Variants in TSPEAR observed in about 807,000 individuals in gnomAD.
TSPEAR encodes thrombospondin-type laminin G domain and EAR repeat-containing protein.
Under a neutral mutation model 71.6 loss-of-function variants are expected in TSPEAR, and 69 were observed. The observed-to-expected ratio is 0.96, with a 90% CI of 0.79 to 1.18. The LOEUF is 1.18. Among genes scored for constraint, TSPEAR ranks in the 50% most tolerant of loss-of-function variants. TSPEAR has a pLI of 0.00. For synonymous variants in TSPEAR, 402 were observed against 387.2 expected, an observed-to-expected ratio of 1.04 and a Z score of -0.45; for missense variants, 971 against 894.9, an observed-to-expected ratio of 1.09 and a Z score of -1.09.
chr21:44,620,065 AAGAG>A (rs1982345876), intron 1 of TSPEAR, among the ~76,000 whole-genome samples: 1 of 152,238 alleles, frequency 6.6e-6, no homozygotes, highest in Admixed American at 6.5e-5. Context: ...AGTCAAAACA[AAGAG>A]AGAATGTAAA....
intron 1 of TSPEAR, among the ~76,000 whole-genome samples, chr21:44,618,524 A>G (rs587659083): frequency 6.6e-6 from 1 of 152,356 alleles, no homozygotes; most frequent in South Asian, 2.1e-4. Context: ...GGGAACACAT[A>G]ATCAAGTAAA....
At chr21:44,518,380 G>C (rs587656694) in intron 9 of TSPEAR, 3 of 435,042 alleles carry the variant, frequency 6.9e-6, no homozygotes, top group Non-Finnish European at 1.4e-5. Flanking sequence ...GTGCAGTGTC[G>C]TGAAGAAGAC....
chr21:44,522,889 C>A (rs1421409774), intron 8 of TSPEAR, among the ~76,000 whole-genome samples: 1 of 152,288 alleles, frequency 6.6e-6, no homozygotes, highest in Non-Finnish European at 1.5e-5. Flanking sequence ...CACCACCCAA[C>A]ATCTGCCCTC....
chr21:44,697,286 G>T, intron 1 of TSPEAR: 1 of 1,613,940 alleles, frequency 6.2e-7, no homozygotes. Context: ...CTCCTGGCAG[G>T]TGGACGACTG....
At chr21:44,701,902 T>A (rs1467385) in intron 1 of TSPEAR, among the ~76,000 whole-genome samples, 39,169 of 152,156 alleles carry the variant, frequency 0.26, 5,436 homozygotes, top group Admixed American at 0.34. Context: ...TCTGTGTCTT[T>A]CGGCAAGTCT....
intron 9 of TSPEAR, among the ~76,000 whole-genome samples, chr21:44,514,801 A>G (rs1277916804): frequency 1.3e-5 from 2 of 151,962 alleles, no homozygotes; most frequent in Non-Finnish European, 1.5e-5. Flanking sequence ...GGATGGGCAG[A>G]AAGACTTTGA....
chr21:44,647,079 C>G (rs1259363477), intron 1 of TSPEAR: 2 of 1,613,814 alleles, frequency 1.2e-6, no homozygotes, highest in South Asian at 1.1e-5. Context: ...GTGTGCCTGT[C>G]TGCTCTAGGG....
At chr21:44,674,591 C>T (rs1490588541) in intron 1 of TSPEAR, among the ~76,000 whole-genome samples, 8 of 152,074 alleles carry the variant, frequency 5.3e-5, no homozygotes, top group Non-Finnish European at 1.2e-4. Flanking sequence ...GTGGCACATG[C>T]CTGTAGTCTC....
intron 1 of TSPEAR, among the ~76,000 whole-genome samples, chr21:44,577,798 C>G (rs1802077449): frequency 6.6e-6 from 1 of 152,178 alleles, no homozygotes; most frequent in Admixed American, 6.5e-5. Flanking sequence ...TCTAACTTTA[C>G]TGGTCATTAT....
In TSPEAR at chr21:44,600,958, G is replaced by A. The variant is rs369241670; in HGVS notation, c.83-32953C>T. 54 of 1,611,050 alleles carry A rather than the reference G, an allele frequency of 3.4e-5. 1 individual carries two copies. Among genetic ancestry groups the A allele is most frequent in the African/African-American group, 1.8e-4 (13 of 73,568 alleles). ...CTGCCAGCAGGCCTGCTGCGTGCCC[G>A]TCTGCTGCAAGACTGTCTGCTGCAA... On this transcript the variant is annotated intron_variant, in intron 1 of 11. Transcript: ENST00000323084.
At chr21:44,666,526 G>A in intron 1 of TSPEAR, 1 of 1,612,778 alleles carries the variant, frequency 6.2e-7, no homozygotes, top group Non-Finnish European at 8.5e-7. Context: ...CCAGAGGACT[G>A]GCAGGACGGA....
At chr21:44,515,896 A>T (rs1286840489) in intron 9 of TSPEAR, 3 of 152,092 alleles carry the variant, frequency 2.0e-5, no homozygotes, top group Non-Finnish European at 4.4e-5. Flanking sequence ...AAGGGCTGAG[A>T]CCCCACCATG....
intron 1 of TSPEAR, among the ~76,000 whole-genome samples, chr21:44,625,251 G>A (rs868952682): frequency 2.0e-5 from 3 of 152,126 alleles, no homozygotes; most frequent in Admixed American, 6.6e-5. Flanking sequence ...TGGGAGCTGA[G>A]CACAGCAAAG....
At chr21:44,646,589 G>T (rs782611710) in intron 1 of TSPEAR, 21 of 1,612,346 alleles carry the variant, frequency 1.3e-5, no homozygotes, top group Admixed American at 8.3e-5. Flanking sequence ...CCCTCCCTGA[G>T]CCTGGTCTGC....
chr21:44,697,687 T>C, intron 1 of TSPEAR: 1 of 1,613,010 alleles, frequency 6.2e-7, no homozygotes, highest in Non-Finnish European at 8.5e-7. Context: ...CCATCTGCTG[T>C]GTGCCTGTCT....
chr21:44,568,523 C>T (rs2053737624), intron 1 of TSPEAR, among the ~76,000 whole-genome samples: 1 of 152,172 alleles, frequency 6.6e-6, no homozygotes, highest in Non-Finnish European at 1.5e-5. Context: ...CCCCTCTGGG[C>T]GTGCCAGGGG....
chr21:44,580,492 G>C, intron 1 of TSPEAR: 1 of 1,613,484 alleles, frequency 6.2e-7, no homozygotes. Flanking sequence ...TGCCGCAGGG[G>C]GGCTCACAGC....
At chr21:44,618,708 A>G (rs924422234) in intron 1 of TSPEAR, among the ~76,000 whole-genome samples, 4 of 152,174 alleles carry the variant, frequency 2.6e-5, no homozygotes, top group Admixed American at 2.0e-4. Flanking sequence ...GCCTGTTTCG[A>G]CCGTCTGGTG....
intron 1 of TSPEAR, among the ~76,000 whole-genome samples, chr21:44,703,401 G>T (rs1987752660): frequency 6.6e-6 from 1 of 152,200 alleles, no homozygotes; most frequent in African/African-American, 2.4e-5. Flanking sequence ...CTGGCCAGAG[G>T]GCTCCTTGGC....
Sources: gnomAD v4.1 joint callset for allele counts (sites outside exome capture counted in the v4.1 genomes callset) on GRCh38, gnomAD v4.1.1 for gene constraint, MANE v1.5 for transcripts, NCBI Gene and HGNC (gene_info 2026-07-23, HGNC 2026-07-21) for gene names.